The following GREB1L variants were observed in gnomAD, a reference collection of about 807,000 sequenced individuals.
GREB1L encodes the protein GREB1 like retinoic acid receptor coactivator, also known as GREB1-like protein.
In GREB1L, 17 loss-of-function variants were observed where a neutral mutation model predicts 200.8. The ratio of observed to expected loss-of-function variants is 0.08; its 90% CI spans 0.06 to 0.13. GREB1L has a LOEUF of 0.13. GREB1L is among the 10% of genes least tolerant of loss of function. The pLI, the probability that GREB1L is intolerant of heterozygous loss-of-function variation, is 1.00. For missense variants in GREB1L, 1,657 were observed against 2,367.7 expected (o/e 0.70, Z 6.23); for synonymous variants, 789 against 893.0 (o/e 0.88, Z 2.08).
intron 2 of GREB1L, among the ~76,000 whole-genome samples, chr18:21,375,889 TCAC>T (rs955163293): frequency 6.6e-6 from 1 of 151,760 alleles, no homozygotes; most frequent in Non-Finnish European, 1.5e-5. Flanking sequence ...ACCACCACCA[TCAC>T]CACCACCACC....
intron 7 of GREB1L, among the ~76,000 whole-genome samples, chr18:21,425,423 G>A (rs1174541795): frequency 6.6e-6 from 1 of 152,196 alleles, no homozygotes; most frequent in East Asian, 1.9e-4. Flanking sequence ...ACCTAGGAGT[G>A]GAATTGCTGG....
intron 1 of GREB1L, among the ~76,000 whole-genome samples, chr18:21,324,626 C>T (rs1329336745): frequency 1.3e-5 from 2 of 152,040 alleles, no homozygotes; most frequent in Non-Finnish European, 2.9e-5. Flanking sequence ...CTGGCTAACA[C>T]GGTGAAACCC....
intron 1 of GREB1L, among the ~76,000 whole-genome samples, chr18:21,249,415 T>G (rs1231443610): frequency 6.6e-6 from 1 of 152,220 alleles, no homozygotes; most frequent in Non-Finnish European, 1.5e-5. Context: ...CCAGGAATCT[T>G]TATTAACAAA....
intron 1 of GREB1L, among the ~76,000 whole-genome samples, chr18:21,359,168 A>G (rs775493308): frequency 2.3e-4 from 35 of 152,240 alleles, no homozygotes; most frequent in Non-Finnish European, 4.7e-4. Context: ...TTAATAAGAA[A>G]TCAGGGGCTG....
intron 1 of GREB1L, among the ~76,000 whole-genome samples, chr18:21,258,015 TGGCTGATTTAA>T (rs1169534989): frequency 6.6e-6 from 1 of 152,178 alleles, no homozygotes; most frequent in Non-Finnish European, 1.5e-5. Context: ...AATCTCAGTC[TGGCTGATTTAA>T]AACTTTTGTT....
chr18:21,373,230 T>A (rs1259108385), intron 2 of GREB1L, among the ~76,000 whole-genome samples: 1 of 152,180 alleles, frequency 6.6e-6, no homozygotes, highest in East Asian at 1.9e-4. Flanking sequence ...ATTATAAAGT[T>A]CCCTATCAAC....
intron 7 of GREB1L, among the ~76,000 whole-genome samples, chr18:21,426,986 AAC>A (rs1491410886): frequency 8.4e-5 from 8 of 95,748 alleles, no homozygotes; most frequent in African/African-American, 3.1e-4. Context: ...AAAAAAAAAA[AAC>A]AAAAAAAAAA....
At chr18:21,469,821 A>T (rs1466723048) in intron 15 of GREB1L, among the ~76,000 whole-genome samples, 1 of 152,140 alleles carries the variant, frequency 6.6e-6, no homozygotes, top group African/African-American at 2.4e-5. Context: ...TGGTAATTAC[A>T]CAATTACTAA....
intron 1 of GREB1L, among the ~76,000 whole-genome samples, chr18:21,347,970 A>C (rs1310883117): frequency 6.1e-5 from 4 of 65,224 alleles, no homozygotes; most frequent in Non-Finnish European, 1.1e-4. Context: ...TTTGAGACAG[A>C]GTCTTGCTCT....
rs1318138869 is a variant in GREB1L, at chr18:21,496,601, G to A, written c.3294G>A (p.Glu1098=). Residue 1098 remains glutamate (E), a synonymous_variant, in exon 21 of 33, where the codon GAG becomes GAA. Transcript: ENST00000424526. Reference sequence around the variant, plus strand: ...TTGCCCTGGACCTCAGCGGGAAGGAGCAGGAGAGAGCTGCTGTCAGTGAGA... The same window carrying A: ...TTGCCCTGGACCTCAGCGGGAAGGAACAGGAGAGAGCTGCTGTCAGTGAGA... The part of the protein sequence containing the change: ...PTVALDLSGK[E]QERAAVSEND... 4 of 1,551,616 alleles carry A rather than the reference G, an allele frequency of 2.6e-6. No individual in the cohort carries two copies. Among genetic ancestry groups the A allele is most frequent in the South Asian group, 2.4e-5 (2 of 84,066 alleles).
At chr18:21,381,264 C>T (rs2040299705) in intron 2 of GREB1L, among the ~76,000 whole-genome samples, 1 of 151,296 alleles carries the variant, frequency 6.6e-6, no homozygotes, top group Admixed American at 6.6e-5. Context: ...AATAATTAGC[C>T]GGGCACAGTG....
intron 1 of GREB1L, among the ~76,000 whole-genome samples, chr18:21,257,533 G>A (rs565583845): frequency 3.3e-5 from 5 of 152,140 alleles, no homozygotes; most frequent in Non-Finnish European, 7.4e-5. Context: ...TCTGGTTATG[G>A]TATTTCAGGT....
chr18:21,433,988 T>G (rs2033346345), intron 7 of GREB1L, among the ~76,000 whole-genome samples: 1 of 152,186 alleles, frequency 6.6e-6, no homozygotes, highest in South Asian at 2.1e-4. Context: ...AATTATTTTC[T>G]TAATCCAAAG....
At chr18:21,428,712 T>C (rs1430199317) in intron 7 of GREB1L, among the ~76,000 whole-genome samples, 132 of 42,520 alleles carry the variant, frequency 3.1e-3, no homozygotes, top group Admixed American at 6.0e-3. Flanking sequence ...GTTTATCTCT[T>C]TTTTTTTTTT....
chr18:21,467,851 T>C lies in GREB1L; in HGVS notation c.2183-5180T>C, dbSNP rs186530668. On this transcript the variant is annotated intron_variant, in intron 15 of 32. Coordinates refer to ENST00000424526, the MANE Select transcript of GREB1L (RefSeq NM_001142966.3). ...CATTCTGGCTAACACAGTGAAACCC[T>C]GTCTCTACTAAAAACGCAAAAAAAT... Among the ~76,000 whole-genome samples, 82 of 152,096 alleles carry C rather than the reference T, an allele frequency of 5.4e-4. 1 individual carries two copies. In the East Asian group the frequency reaches 0.01, roughly 19 times the overall value.
chr18:21,410,229 T>A (rs1279774274), intron 7 of GREB1L, among the ~76,000 whole-genome samples: 1 of 152,160 alleles, frequency 6.6e-6, no homozygotes, highest in Admixed American at 6.5e-5. Flanking sequence ...TTAGGAAGAC[T>A]CTATGAAGCA....
At chr18:21,260,917 G>A (rs2144111081) in intron 1 of GREB1L, among the ~76,000 whole-genome samples, 1 of 151,760 alleles carries the variant, frequency 6.6e-6, no homozygotes, top group Non-Finnish European at 1.5e-5. Context: ...ACTAAAATCG[G>A]TTTTATACTA....
intron 7 of GREB1L, among the ~76,000 whole-genome samples, chr18:21,430,235 C>A (rs1411789791): frequency 1.3e-5 from 2 of 152,024 alleles, no homozygotes; most frequent in South Asian, 2.1e-4. Flanking sequence ...CAGTCTATAA[C>A]AATGGCATAC....
intron 31 of GREB1L, 92 bp from the exon 32 acceptor site, chr18:21,520,596 G>C (rs1480639843): frequency 1.5e-6 from 2 of 1,356,270 alleles, no homozygotes; most frequent in Non-Finnish European, 2.0e-6. Context: ...TCCTGAAATA[G>C]AGAAAAAGGA....
Sources: gnomAD v4.1 joint callset for allele counts (sites outside exome capture counted in the v4.1 genomes callset) on GRCh38, gnomAD v4.1.1 for gene constraint, MANE v1.5 for transcripts, NCBI Gene and HGNC (gene_info 2026-07-23, HGNC 2026-07-21) for gene names.